HECTD4: variants seen among roughly 807,000 people sequenced by gnomAD.
HECTD4 encodes the protein HECT domain E3 ubiquitin protein ligase 4.
HECTD4 carries 114 observed loss-of-function variants against 471.5 expected under a neutral mutation model. That is an observed-to-expected ratio of 0.24 (90% CI 0.21 to 0.28). The LOEUF is 0.28. Among genes scored for constraint, HECTD4 ranks in the 10% least tolerant of loss-of-function variants. HECTD4 has a pLI of 1.00. For synonymous variants in HECTD4, 2,012 were observed against 2,256.0 expected, an observed-to-expected ratio of 0.89 and a Z score of 3.07; for missense variants, 3,866 against 5,651.5, an observed-to-expected ratio of 0.68 and a Z score of 10.13.
intron 1 of HECTD4, among the ~76,000 whole-genome samples, chr12:112,346,860 G>A (rs985539362): frequency 6.6e-6 from 1 of 152,046 alleles, no homozygotes; most frequent in African/African-American, 2.4e-5. Flanking sequence ...CTAAATCAGA[G>A]CTTTCCTAGC....
At position 112,207,988 on chromosome 12, in the gene HECTD4, C is replaced by A. The variant is rs1429439643; in HGVS notation, c.8017G>T (p.Ala2673Ser). 1 of 1,613,132 alleles carries A rather than the reference C, an allele frequency of 6.2e-7. No homozygotes were observed. Among genetic ancestry groups the A allele is most frequent in the Non-Finnish European group, 8.5e-7 (1 of 1,179,600 alleles). Residue 2673 changes from alanine to serine, a missense_variant, in exon 52 of 76, where the codon GCC (alanine) becomes TCC (serine). Ala to Ser is a moderately conservative substitution (Grantham distance 99). This residue lies in a region of HECTD4 where 266 missense variants were observed against 441.6 expected (regional missense o/e 0.60). Transcript: ENST00000682272. ...GTCTCCCATGCTTTCACCAGCAGGG[C>A]GTAGTGGTCCTCCTGGAAGCAGAAG... ...DDDIPQEDHY[A>S]LLVKAWETKV...
Position 112,193,327 on chromosome 12 carries a change from TA to T in HECTD4, c.8956-137del. On this transcript the variant is annotated intron_variant, in intron 57 of 75. Transcript: ENST00000682272. The surrounding 1 kb of genome is among the most constrained non-coding windows in gnomAD (Gnocchi z 5.2). ...GGAAGGAAGCAAGCTACAGATGAGA[TA>T]AAGCAGAAAAGCTTCTAGGAAAAGG... 7.4e-7 allele frequency: 1 copy of T among 1,356,862 alleles called. No homozygotes were observed. The highest frequency in any genetic ancestry group is 1.0e-6 in the Non-Finnish European group (1 of 985,454). The allele number at this position is 1,356,862 out of a possible 1,614,324, so 84.1% of individuals were successfully genotyped here. A position where few individuals can be genotyped will look rare whatever the true frequency, so the allele number is the denominator to read the frequency against.
intron 23 of HECTD4, 131 bp downstream of exon 23, chr12:112,252,293 G>A: frequency 1.1e-6 from 1 of 886,318 alleles, no homozygotes; most frequent in Non-Finnish European, 1.6e-6. Context: ...TAGTTGACTA[G>A]TGCCAACTAG....
rs1483639691 is a variant in HECTD4 at position 112,382,371 on chromosome 12, G to A, written c.-243C>T. 2.7e-6 allele frequency: 1 copy of A among 366,258 alleles called. No individual in the cohort carries two copies. The highest frequency in any genetic ancestry group is 4.8e-6 in the Non-Finnish European group (1 of 209,346). The allele number at this position is 366,258 out of a possible 1,614,324, so 22.7% of individuals were successfully genotyped here. A position where few individuals can be genotyped will look rare whatever the true frequency, so the allele number is the denominator to read the frequency against. On this transcript the variant is annotated 5_prime_UTR_variant, in exon 1 of 76. Transcript: ENST00000682272. The stretch of plus-strand genomic sequence containing the variant: ...GCCGCCGCCGCCGCCCTCAGGAGCA[G>A]GATCCGCCTCTGCCGCTCGGCAACC...
chr12:112,350,083 T>C (rs1208358610), intron 1 of HECTD4, among the ~76,000 whole-genome samples: 2 of 152,126 alleles, frequency 1.3e-5, no homozygotes, highest in East Asian at 1.9e-4. Flanking sequence ...GCCTCCCATG[T>C]AGCTGGTCCC....
Position 112,228,615 on chromosome 12 carries a change from A to G in HECTD4, c.6684+32T>C. 1.3e-6 allele frequency: 2 copies of G among 1,579,856 alleles called. No homozygotes were observed. The highest frequency in any genetic ancestry group is 1.7e-6 in the Non-Finnish European group (2 of 1,163,670). On this transcript the variant is annotated intron_variant, in intron 42 of 75. Coordinates refer to ENST00000682272, the MANE Select transcript of HECTD4 (RefSeq NM_001388303.1). This position sits in a 1 kb window ranked among gnomAD's most constrained non-coding sequence, Gnocchi z 4.9. ...ATTACAGTACAGTTACCATTGGCAG[A>G]CATTTTACAAAGCATTTAAAAATCA...
At chr12:112,237,701 T>C (rs562142606) in intron 34 of HECTD4, among the ~76,000 whole-genome samples, 3 of 152,204 alleles carry the variant, frequency 2.0e-5, no homozygotes, top group South Asian at 2.1e-4. Flanking sequence ...TCTACCTCAG[T>C]TGTGGCACTG....
intron 2 of HECTD4, among the ~76,000 whole-genome samples, chr12:112,316,289 A>G (rs2035477555): frequency 6.6e-6 from 1 of 152,066 alleles, no homozygotes; most frequent in Admixed American, 6.6e-5. Context: ...TTCAAGTGTC[A>G]TCTCTTCAGT....
chr12:112,328,610 C>T (rs191427715), intron 1 of HECTD4, among the ~76,000 whole-genome samples: 7 of 152,220 alleles, frequency 4.6e-5, no homozygotes, highest in South Asian at 4.2e-4. Flanking sequence ...AGCTCTCATG[C>T]GAGCCAAGTA....
rs186884971 is a variant in HECTD4, at chr12:112,170,423, C to T, written c.11962G>A (p.Val3988Met). Reference sequence around the variant, plus strand: ...GTGGCATTCAGCACTCGATTCATCACGGTCACCTTCGTGTCATAGAAGATC... The same window carrying T: ...GTGGCATTCAGCACTCGATTCATCATGGTCACCTTCGTGTCATAGAAGATC... ...GLIFYDTKVT[V>M]MNRVLNATVQ... is the part of the protein sequence containing the mutation. Residue 3988 changes from valine (V) to methionine (M), a missense_variant, in exon 69 of 76, where the codon GTG becomes ATG. By Grantham distance (21) the Val-to-Met change is conservative. Transcript: ENST00000682272. The T allele has an allele frequency of 2.4e-3, 3,954 of 1,613,960 alleles. 12 individuals are homozygous for T. The highest frequency in any genetic ancestry group is 3.1e-3 in the Non-Finnish European group (3,714 of 1,179,898).
At chr12:112,250,923 C>T (rs1222687139) in intron 24 of HECTD4, 48 bp downstream of exon 24, 1 of 1,534,422 alleles carries the variant, frequency 6.5e-7, no homozygotes, top group South Asian at 1.3e-5. Context: ...ACATAAAGTC[C>T]TTTTTCCTTT....
At chr12:112,377,743 G>T (rs1282326173) in intron 1 of HECTD4, among the ~76,000 whole-genome samples, 1 of 152,156 alleles carries the variant, frequency 6.6e-6, no homozygotes, top group South Asian at 2.1e-4. Context: ...GGTGGCACAT[G>T]CCTGTAATCC....
At chr12:112,341,579 C>T (rs779680884) in intron 1 of HECTD4, among the ~76,000 whole-genome samples, 1 of 152,166 alleles carries the variant, frequency 6.6e-6, no homozygotes, top group African/African-American at 2.4e-5. Flanking sequence ...CTGGAAACCT[C>T]GTCTATCGCT....
At chr12:112,190,726 A>T in intron 60 of HECTD4, 60 bp downstream of exon 60, 1 of 1,474,988 alleles carries the variant, frequency 6.8e-7, no homozygotes, top group Non-Finnish European at 9.1e-7. Context: ...CTCCTTCCTC[A>T]GGCACCATGC....
intron 8 of HECTD4, among the ~76,000 whole-genome samples, chr12:112,281,468 A>G (rs1421561732): frequency 6.6e-6 from 1 of 152,152 alleles, no homozygotes; most frequent in Non-Finnish European, 1.5e-5. Flanking sequence ...TTAGGGTAAG[A>G]TTTCATTTTC....
Position 112,250,284 on chromosome 12 carries a change from T to C in HECTD4, c.3810A>G (p.Glu1270=). 1 of 1,613,944 alleles carries C rather than the reference T, an allele frequency of 6.2e-7. No homozygotes were observed. The highest frequency in any genetic ancestry group is 1.1e-5 in the South Asian group (1 of 91,074). ...CGAGGACATCAGAGGGGTAGGTGAA[T>C]TCTCTGTCTTCCTCTATGGTCAGAG... ...PLPLTIEEDR[E]FTYPSDVLVP... is the part of the protein sequence containing the mutation. Residue 1270 remains glutamate, a synonymous_variant, in exon 25 of 76, where the codon GAA becomes GAG. Coordinates refer to ENST00000682272, the MANE Select transcript of HECTD4 (RefSeq NM_001388303.1).
At chr12:112,165,643 G>A (rs1435896958) in intron 72 of HECTD4, among the ~76,000 whole-genome samples, 2 of 152,160 alleles carry the variant, frequency 1.3e-5, no homozygotes, top group African/African-American at 4.8e-5. Flanking sequence ...GAGCCACCGC[G>A]CCCGGCCTAA....
intron 60 of HECTD4, among the ~76,000 whole-genome samples, chr12:112,190,076 C>T (rs1218723935): frequency 6.6e-6 from 1 of 152,168 alleles, no homozygotes; most frequent in African/African-American, 2.4e-5. Flanking sequence ...GTTTTCTTCC[C>T]TGCAACATTA....
chr12:112,369,165 A>G (rs1316550392), intron 1 of HECTD4, among the ~76,000 whole-genome samples: 1 of 152,108 alleles, frequency 6.6e-6, no homozygotes, highest in East Asian at 1.9e-4. Context: ...GAAGGCTATC[A>G]AGCCACAAGA....
Sources: allele counts gnomAD v4.1 joint callset (sites outside exome capture counted in the v4.1 genomes callset), GRCh38; gene constraint gnomAD v4.1.1; regional missense constraint gnomAD v4.1.1; non-coding constraint Gnocchi (gnomAD v3.1); transcripts MANE v1.5; gene names NCBI Gene and HGNC (gene_info 2026-07-23, HGNC 2026-07-21).